AKAP14: variants seen among roughly 807,000 people sequenced by gnomAD.
AKAP14 encodes A-kinase anchor protein 14.
AKAP14 carries 4 observed loss-of-function variants against 17.0 expected under a neutral mutation model. That is an observed-to-expected ratio of 0.23 (90% CI 0.12 to 0.54). The LOEUF (loss-of-function observed/expected upper bound fraction) is 0.54, where lower values mean the gene tolerates loss of function less well. Ranked by LOEUF, AKAP14 falls within the 20% of genes least tolerant of loss-of-function variation. AKAP14 has a pLI of 0.95. For synonymous variants in AKAP14, 42 were observed against 51.3 expected, an observed-to-expected ratio of 0.82 and a Z score of 0.77; for missense variants, 129 against 150.9, an observed-to-expected ratio of 0.85 and a Z score of 0.76.
At chrX:119,913,386 G>A (rs1328015595) in intron 4 of AKAP14, among the ~76,000 whole-genome samples, 1 of 112,120 alleles carries the variant, frequency 8.9e-6, no homozygotes, top group Non-Finnish European at 1.9e-5. Context: ...CAGAACAAGT[G>A]TTCTAATCAC....
chrX:119,912,013 CT>C (rs2056630224), intron 4 of AKAP14, among the ~76,000 whole-genome samples: 1 of 109,192 alleles, frequency 9.2e-6, no homozygotes, highest in South Asian at 4.0e-4. Context: ...TCACTGCAAC[CT>C]CCGCCTCCTG....
chrX:119,916,994 T>C (rs1361052310), intron 5 of AKAP14, among the ~76,000 whole-genome samples: 1 of 97,196 alleles, frequency 1.0e-5, no homozygotes, highest in African/African-American at 3.7e-5. Context: ...TAATCCCAGC[T>C]ACTCAGGAGG....
intron 4 of AKAP14, among the ~76,000 whole-genome samples, chrX:119,913,883 T>G (rs1351464554): frequency 9.0e-6 from 1 of 111,053 alleles, no homozygotes; most frequent in African/African-American, 3.3e-5. Flanking sequence ...CTTAACCTTT[T>G]CTCTCCTCCA....
chrX:119,914,898 CCTTCAGTGAGG>C lies in AKAP14; in HGVS notation c.441+31_441+41del. On this transcript the variant is annotated intron_variant, in intron 5 of 6. Transcript: ENST00000371431. Reference sequence around the variant, plus strand: ...CCACCGGTAAGTTCTTCTTTTTCTCCCTTCAGTGAGGCTTCAGTGAGAATGGAGACTTCTCT... The same window carrying C: ...CCACCGGTAAGTTCTTCTTTTTCTCCCTTCAGTGAGAATGGAGACTTCTCT... The C allele has an allele frequency of 2.5e-6, 3 of 1,184,735 alleles. No individual in the cohort carries two copies. In the South Asian group the frequency reaches 5.5e-5, roughly 22 times the overall value.
rs1378440725 is a variant in AKAP14 at position 119,903,254 on chromosome X, A to C, written c.31A>C (p.Lys11Gln). Residue 11 changes from lysine (K) to glutamine (Q), a missense_variant, in exon 3 of 7, where the codon AAA (lysine) becomes CAA (glutamine). Transcript: ENST00000371431. ...TGAGACTCAAAATTCAACAAGCCAGAAAGCAATGGATGAGGATAACAAAGC... is the reference window on the plus strand; with the variant it reads ...TGAGACTCAAAATTCAACAAGCCAGCAAGCAATGGATGAGGATAACAAAGC... MSETQNSTSQ[K>Q]AMDEDNKAAS... 1.7e-6 allele frequency: 2 copies of C among 1,210,197 alleles called. No individual in the cohort carries two copies. The highest frequency in any genetic ancestry group is 3.6e-5 in the South Asian group (2 of 56,322).
At position 119,899,166 on chromosome X, in the gene AKAP14, C is replaced by CA. The variant is rs56354303; in HGVS notation, c.-11+2918dup. Among the ~76,000 whole-genome samples the CA allele has an allele frequency of 8.1e-3, 404 of 49,783 alleles. 5 individuals are homozygous for CA. The highest frequency in any genetic ancestry group is 0.016 in the Middle Eastern group (1 of 62). The allele number at this position is 49,783 out of a possible 115,157, so 43.2% of individuals were successfully genotyped here. A position where few individuals can be genotyped will look rare whatever the true frequency, so the allele number is the denominator to read the frequency against. On this transcript the variant is annotated intron_variant, in intron 2 of 6. Transcript: ENST00000371431. ...TGGGTGACAGAACAAGACTCTGTCTCAAAAAAAAAAAAAAAAAAAGGAAGA... is the reference window on the plus strand; with the variant it reads ...TGGGTGACAGAACAAGACTCTGTCTCAAAAAAAAAAAAAAAAAAAAGGAAGA...
intron 4 of AKAP14, among the ~76,000 whole-genome samples, chrX:119,905,254 G>A (rs1054533393): frequency 8.9e-5 from 10 of 112,039 alleles, no homozygotes; most frequent in Non-Finnish European, 1.7e-4. Flanking sequence ...GGAAAAGTCA[G>A]GGATTTCTGG....
Position 119,919,979 on chromosome X carries a change from A to T in AKAP14, c.494+16A>T. ...TAGTTCACAGGTAATGAACATTTGG[A>T]GGTTTGTTTTAAAAGGGTGGGAGAA... On this transcript the variant is annotated intron_variant, in intron 6 of 6. Coordinates refer to ENST00000371431, the MANE Select transcript of AKAP14 (RefSeq NM_178813.6). 8.3e-7 allele frequency: 1 copy of T among 1,205,323 alleles called. No homozygotes were observed. The highest frequency in any genetic ancestry group is 1.7e-5 in the African/African-American group (1 of 57,584).
chrX:119,904,926 C>T (rs1603377611), intron 4 of AKAP14, among the ~76,000 whole-genome samples: 1 of 110,282 alleles, frequency 9.1e-6, no homozygotes, highest in East Asian at 2.8e-4. Context: ...GTGGTATGCA[C>T]GTATAGTTCC....
chrX:119,905,716 C>T (rs2056593706), intron 4 of AKAP14, among the ~76,000 whole-genome samples: 1 of 111,377 alleles, frequency 9.0e-6, no homozygotes, highest in Non-Finnish European at 1.9e-5. Context: ...GCCTGGAACC[C>T]TCTCCCCTAA....
intron 6 of AKAP14, 122 bp downstream of exon 6, chrX:119,920,085 C>T (rs950405137): frequency 5.5e-6 from 4 of 732,450 alleles, no homozygotes; most frequent in Non-Finnish European, 8.2e-6. Context: ...TTTGGACCAC[C>T]AAGCCCATTA....
intron 4 of AKAP14, among the ~76,000 whole-genome samples, chrX:119,903,919 A>G (rs1019848487): frequency 1.8e-5 from 2 of 111,255 alleles, no homozygotes; most frequent in Non-Finnish European, 3.8e-5. Context: ...TGCTCCTCCA[A>G]AATAGGAGTT....
chrX:119,916,109 C>A lies in AKAP14; in HGVS notation c.441+1231C>A, dbSNP rs905557986. ...CTGGACTTACAGGTGTGAACCACCA[C>A]GCCCAGCTGTAAAACAAATTTGTCA... On this transcript the variant is annotated intron_variant, in intron 5 of 6. Transcript: ENST00000371431. 3.6e-5 allele frequency among the ~76,000 whole-genome samples: 4 copies of A among 111,335 alleles called. No homozygotes were observed. In the South Asian group the frequency reaches 1.5e-3, roughly 42 times the overall value.
intron 5 of AKAP14, among the ~76,000 whole-genome samples, chrX:119,918,673 C>T (rs1289798047): frequency 1.8e-5 from 2 of 112,289 alleles, no homozygotes; most frequent in Admixed American, 9.5e-5. Flanking sequence ...CTGGTATCCA[C>T]GAGGTAGACC....
At chrX:119,911,555 G>A (rs756767303) in intron 4 of AKAP14, among the ~76,000 whole-genome samples, 1 of 110,604 alleles carries the variant, frequency 9.0e-6, no homozygotes, top group Non-Finnish European at 1.9e-5. Flanking sequence ...GTAGTTTTAA[G>A]GAAAACAGAA....
chrX:119,905,393 G>C (rs755368407), intron 4 of AKAP14, among the ~76,000 whole-genome samples: 1 of 112,656 alleles, frequency 8.9e-6, no homozygotes, highest in South Asian at 3.6e-4. Context: ...TCTCCATTTG[G>C]GGTTGGGCAA....
In AKAP14 at chrX:119,909,305, G is replaced by A. The variant is rs746053462; in HGVS notation, c.262-5394G>A. Among the ~76,000 whole-genome samples the A allele has an allele frequency of 5.5e-5, 6 of 108,482 alleles. No homozygotes were observed. In the East Asian group the frequency reaches 1.2e-3, roughly 21 times the overall value. The allele number at this position is 108,482 out of a possible 115,157, so 94.2% of individuals were successfully genotyped here. A position where few individuals can be genotyped will look rare whatever the true frequency, so the allele number is the denominator to read the frequency against. ...AGTTTGAGACCAGCCTGGCCAACAT[G>A]GTGAAACTCCGTCTCTACTATATGT... On this transcript the variant is annotated intron_variant, in intron 4 of 6. Transcript: ENST00000371431.
chrX:119,906,536 C>CT (rs34286142), intron 4 of AKAP14, among the ~76,000 whole-genome samples: 95 of 88,937 alleles, frequency 1.1e-3, no homozygotes, highest in Middle Eastern at 7.6e-3. Context: ...CCCGGCCCTT[C>CT]TTTTTTTTTT....
intron 2 of AKAP14, among the ~76,000 whole-genome samples, chrX:119,902,138 C>T (rs1279932000): frequency 3.8e-5 from 4 of 105,521 alleles, no homozygotes; most frequent in Admixed American, 1.0e-4. Flanking sequence ...GGTGCGATCT[C>T]GGCTCACAGC....
Sources: gnomAD v4.1 joint callset for allele counts (sites outside exome capture counted in the v4.1 genomes callset) on GRCh38, gnomAD v4.1.1 for gene constraint, MANE v1.5 for transcripts, NCBI Gene and HGNC (gene_info 2026-07-23, HGNC 2026-07-21) for gene names.